The following GFOD1 variants were observed in gnomAD, a reference collection of about 807,000 sequenced individuals.
The protein encoded by GFOD1 is glucose-fructose oxidoreductase domain-containing protein 1.
GFOD1 carries 9 observed loss-of-function variants against 25.4 expected under a neutral mutation model. That is an observed-to-expected ratio of 0.35 (90% CI 0.21 to 0.62). The LOEUF is 0.62. Ranked by LOEUF, GFOD1 falls within the 20% of genes least tolerant of loss-of-function variation. GFOD1 has a pLI of 0.72. For missense variants in GFOD1, 403 were observed against 556.9 expected (o/e 0.72, Z 2.78); for synonymous variants, 253 against 245.6 (o/e 1.03, Z -0.28).
At position 13,390,780 on chromosome 6, in the gene GFOD1, A is replaced by AG. The variant is rs1491481409; in HGVS notation, c.254-25119_254-25118insC. ...GAGAGAAAGAGAGAGAGAGAGAGAGAAAGGAAGGAAGGAAGGAAGGAAGGA... is the reference window on the plus strand; with the variant it reads ...GAGAGAAAGAGAGAGAGAGAGAGAGAGAAGGAAGGAAGGAAGGAAGGAAGGA... On this transcript the variant is annotated intron_variant, in intron 1 of 1. Coordinates refer to ENST00000379287, the MANE Select transcript of GFOD1 (RefSeq NM_018988.4). Among the ~76,000 whole-genome samples, 19 of 117,952 alleles carry AG rather than the reference A, an allele frequency of 1.6e-4. 1 individual carries two copies. In the South Asian group the frequency reaches 1.6e-3, roughly 10 times the overall value. 77.4% of individuals were successfully genotyped at this position (117,952 alleles called of 152,430 possible). A position where few individuals can be genotyped will look rare whatever the true frequency, so the allele number is the denominator to read the frequency against.
intron 1 of GFOD1, among the ~76,000 whole-genome samples, chr6:13,467,052 AAAAG>A (rs1758391405): frequency 6.6e-6 from 1 of 152,190 alleles, no homozygotes; most frequent in African/African-American, 2.4e-5. Flanking sequence ...CCTTACAGAT[AAAAG>A]AAAGAATGCT....
chr6:13,409,187 A>G lies in GFOD1; in HGVS notation c.254-43525T>C, dbSNP rs6899813. On this transcript the variant is annotated intron_variant, in intron 1 of 1. Coordinates refer to ENST00000379287, the MANE Select transcript of GFOD1 (RefSeq NM_018988.4). Reference sequence around the variant, plus strand: ...GAAAGGAAAGAGAGAGAGAGAGAGAAAGAAAGAAAGAAAGAGAAAGAAGGA... The same window carrying G: ...GAAAGGAAAGAGAGAGAGAGAGAGAGAGAAAGAAAGAAAGAGAAAGAAGGA... 1.4e-3 allele frequency among the ~76,000 whole-genome samples: 79 copies of G among 57,942 alleles called. 11 individuals are homozygous for G. Among genetic ancestry groups the G allele is most frequent in the African/African-American group, 2.4e-3 (55 of 22,596 alleles). The allele number at this position is 57,942 out of a possible 152,430, so 38.0% of individuals were successfully genotyped here. A position where few individuals can be genotyped will look rare whatever the true frequency, so the allele number is the denominator to read the frequency against.
At chr6:13,443,946 C>A (rs1053226614) in intron 1 of GFOD1, among the ~76,000 whole-genome samples, 1 of 152,008 alleles carries the variant, frequency 6.6e-6, no homozygotes, top group Non-Finnish European at 1.5e-5. Flanking sequence ...TTGCTCAAGG[C>A]TCAGATGATC....
chr6:13,417,943 A>C (rs944817462), intron 1 of GFOD1, among the ~76,000 whole-genome samples: 78 of 152,218 alleles, frequency 5.1e-4, no homozygotes, highest in Non-Finnish European at 1.0e-4. Flanking sequence ...GGCCATTTTC[A>C]TCAATGCATG....
chr6:13,470,031 G>A (rs1261779416), intron 1 of GFOD1: 1 of 1,367,986 alleles, frequency 7.3e-7, no homozygotes, highest in Non-Finnish European at 9.8e-7. Context: ...CCCCATGACT[G>A]AGAATATTTC....
intron 1 of GFOD1, 110 bp downstream of exon 1, chr6:13,486,528 G>A: frequency 2.3e-6 from 2 of 887,958 alleles, no homozygotes; most frequent in Non-Finnish European, 3.5e-6. Context: ...GGGCAGCGTA[G>A]ATGCAGGGTA....
At chr6:13,435,400 TTCAGACCCCTGGCATATG>T (rs1757818606) in intron 1 of GFOD1, among the ~76,000 whole-genome samples, 1 of 152,170 alleles carries the variant, frequency 6.6e-6, no homozygotes, top group Non-Finnish European at 1.5e-5. Context: ...CACGAACTAC[TTCAGACCCCTGGCATATG>T]CTCTTATTTC....
intron 1 of GFOD1, among the ~76,000 whole-genome samples, chr6:13,446,732 C>A (rs1354483936): frequency 1.3e-5 from 2 of 152,166 alleles, no homozygotes; most frequent in African/African-American, 4.8e-5. Context: ...GCAGGGATCC[C>A]AAGAAAAAGG....
At chr6:13,373,900 A>G (rs2496150) in intron 1 of GFOD1, among the ~76,000 whole-genome samples, 147,985 of 152,096 alleles carry the variant, frequency 0.97, 72,013 homozygotes, top group East Asian at 1. Flanking sequence ...AGGCCATTTG[A>G]AGAGACTAAA....
chr6:13,475,681 GCA>G (rs1758606442), intron 1 of GFOD1, among the ~76,000 whole-genome samples: 1 of 150,760 alleles, frequency 6.6e-6, no homozygotes, highest in South Asian at 2.1e-4. Flanking sequence ...TTACGCCATT[GCA>G]CTCCAGCCTG....
chr6:13,380,615 T>A (rs894984415), intron 1 of GFOD1, among the ~76,000 whole-genome samples: 1 of 152,078 alleles, frequency 6.6e-6, no homozygotes, highest in African/African-American at 2.4e-5. Context: ...GAGTCAAGGC[T>A]GGAAAAATGG....
At chr6:13,412,614 C>T (rs1303156264) in intron 1 of GFOD1, among the ~76,000 whole-genome samples, 1 of 152,236 alleles carries the variant, frequency 6.6e-6, no homozygotes, top group African/African-American at 2.4e-5. Context: ...TTAACATCCA[C>T]TCCCTTCCCC....
At chr6:13,482,031 C>T (rs183710316) in intron 1 of GFOD1, among the ~76,000 whole-genome samples, 117 of 151,222 alleles carry the variant, frequency 7.7e-4, no homozygotes, top group African/African-American at 2.7e-3. Flanking sequence ...AAAATAGGAG[C>T]AATAATACTT....
intron 1 of GFOD1, among the ~76,000 whole-genome samples, chr6:13,446,116 C>T (rs1294871149): frequency 6.6e-6 from 1 of 152,232 alleles, no homozygotes; most frequent in Admixed American, 6.5e-5. Flanking sequence ...GTTCTGTCCA[C>T]TTTGCTAATA....
chr6:13,437,267 G>A (rs573201062), intron 1 of GFOD1, among the ~76,000 whole-genome samples: 13 of 152,012 alleles, frequency 8.6e-5, no homozygotes, highest in African/African-American at 7.2e-5. Context: ...ACCAAGCCTC[G>A]CTGAAGATTT....
At chr6:13,376,226 T>C (rs752692673) in intron 1 of GFOD1, among the ~76,000 whole-genome samples, 2 of 152,112 alleles carry the variant, frequency 1.3e-5, no homozygotes, top group Non-Finnish European at 2.9e-5. Flanking sequence ...AGAGGTCCCA[T>C]GGGAGAACAG....
intron 1 of GFOD1, among the ~76,000 whole-genome samples, chr6:13,375,436 C>G (rs1484291806): frequency 5.3e-5 from 8 of 152,140 alleles, no homozygotes; most frequent in Non-Finnish European, 1.0e-4. Context: ...GATGGGAGGC[C>G]CGATGTTCTG....
At chr6:13,367,131 G>GTAT (rs1377637416) in intron 1 of GFOD1, among the ~76,000 whole-genome samples, 1 of 152,036 alleles carries the variant, frequency 6.6e-6, no homozygotes, top group Non-Finnish European at 1.5e-5. Context: ...TAGTAAAAGT[G>GTAT]TATTATTATT....
intron 1 of GFOD1, among the ~76,000 whole-genome samples, chr6:13,485,854 T>G (rs994928165): frequency 2.6e-5 from 4 of 152,146 alleles, no homozygotes; most frequent in African/African-American, 7.2e-5. Context: ...ATTTAAAATC[T>G]ATTACTCCAA....
Sources: gnomAD v4.1 joint callset for allele counts (sites outside exome capture counted in the v4.1 genomes callset) on GRCh38, gnomAD v4.1.1 for gene constraint, MANE v1.5 for transcripts, NCBI Gene and HGNC (gene_info 2026-07-23, HGNC 2026-07-21) for gene names.